Variants in LRIG3 observed in about 807,000 individuals in gnomAD.
LRIG3 encodes the protein leucine-rich repeats and immunoglobulin-like domains protein 3.
A neutral mutation model predicts 114.5 loss-of-function variants in LRIG3; 76 were observed. The ratio of observed to expected loss-of-function variants is 0.66; its 90% CI spans 0.55 to 0.80. The LOEUF (loss-of-function observed/expected upper bound fraction) is 0.80, where lower values mean the gene tolerates loss of function less well. Among genes scored for constraint, LRIG3 ranks in the 30% least tolerant of loss-of-function variants. LRIG3 has a pLI of 0.00. For missense variants in LRIG3, 1,239 were observed against 1,382.8 expected (o/e 0.90, Z 1.65); for synonymous variants, 512 against 519.8 (o/e 0.98, Z 0.20).
chr12:58,904,922 T>G (rs1592308215), intron 3 of LRIG3, among the ~76,000 whole-genome samples: 1 of 152,184 alleles, frequency 6.6e-6, no homozygotes, highest in East Asian at 1.9e-4. Flanking sequence ...ATTACTTATA[T>G]GATGATAAAG....
rs943132208 is a variant in LRIG3, at chr12:58,894,226, G to C, written c.384-3430C>G. Among the ~76,000 whole-genome samples the C allele has an allele frequency of 2.6e-5, 4 of 152,180 alleles. No individual in the cohort carries two copies. In the South Asian group the frequency reaches 8.3e-4, roughly 32 times the overall value. On this transcript the variant is annotated intron_variant, in intron 3 of 18. Coordinates refer to ENST00000320743, the MANE Select transcript of LRIG3 (RefSeq NM_153377.5). ...AGTGTGAAAGTGCTCAGTTCTAGAC[G>C]GAGCGTGCACAGTGCTGTCTTTGTC... is the stretch of plus-strand genomic sequence containing the variant.
At chr12:58,909,707 C>T (rs1007263104) in intron 3 of LRIG3, among the ~76,000 whole-genome samples, 2 of 152,330 alleles carry the variant, frequency 1.3e-5, no homozygotes, top group South Asian at 2.1e-4. Context: ...TTAGAGATGA[C>T]TGACACAGTC....
chr12:58,909,615 C>T (rs1193626214), intron 3 of LRIG3, among the ~76,000 whole-genome samples: 1 of 152,170 alleles, frequency 6.6e-6, no homozygotes, highest in Non-Finnish European at 1.5e-5. Flanking sequence ...ACTGAGCACT[C>T]AGTACATGCA....
At chr12:58,909,415 G>A (rs1872188213) in intron 3 of LRIG3, among the ~76,000 whole-genome samples, 1 of 152,108 alleles carries the variant, frequency 6.6e-6, no homozygotes, top group Non-Finnish European at 1.5e-5. Flanking sequence ...ATCATGAACT[G>A]ATGTTATCTT....
At position 58,885,867 on chromosome 12, in the gene LRIG3, T is replaced by G; in HGVS notation, c.1208A>C (p.Lys403Thr). 1 of 1,591,690 alleles carries G rather than the reference T, an allele frequency of 6.3e-7. No homozygotes were observed. The highest frequency in any genetic ancestry group is 8.6e-7 in the Non-Finnish European group (1 of 1,165,880). Residue 403 changes from lysine to threonine, a missense_variant, in exon 10 of 19, where the codon AAA becomes ACA. Transcript: ENST00000320743. ...LQGNRIRSITKKAFTGLDALE... is the reference protein window; with the variant it reads ...LQGNRIRSITTKAFTGLDALE... ...TGCATCCAAACCAGTGAAGGCTTTT[T>G]TAGTAATAGAACGGATCCGATTTCC...
intron 1 of LRIG3, among the ~76,000 whole-genome samples, chr12:58,917,535 G>C (rs1235516399): frequency 1.3e-5 from 2 of 152,032 alleles, no homozygotes; most frequent in East Asian, 3.9e-4. Context: ...AGCATTAGAG[G>C]TTATTTTCTA....
At chr12:58,893,541 A>G (rs1187137499) in intron 3 of LRIG3, among the ~76,000 whole-genome samples, 1 of 152,114 alleles carries the variant, frequency 6.6e-6, no homozygotes, top group Non-Finnish European at 1.5e-5. Flanking sequence ...CCACATCTGG[A>G]TTTGCCTGTG....
chr12:58,898,769 C>T (rs926456026), intron 3 of LRIG3, among the ~76,000 whole-genome samples: 1 of 152,158 alleles, frequency 6.6e-6, no homozygotes, highest in Admixed American at 6.5e-5. Context: ...AGCAATTCTC[C>T]AGCCTCAGCC....
At chr12:58,915,915 G>A (rs1872466404) in intron 1 of LRIG3, among the ~76,000 whole-genome samples, 1 of 152,158 alleles carries the variant, frequency 6.6e-6, no homozygotes. Context: ...CACCTGGGAG[G>A]TAGCCTGAGT....
chr12:58,873,639 GT>G (rs1870808989), intron 18 of LRIG3: 1 of 190,732 alleles, frequency 5.2e-6, no homozygotes. Context: ...GTAGGATGTT[GT>G]TTTCCACCCT....
rs1237648834 is a variant in LRIG3, at chr12:58,876,443, A to C, written c.2695+2T>G. ...CAGCCCACATTCATTTTAAACACTT[A>C]CCACTACTGTCATGTTGTGGTAAGA... On this transcript the variant is annotated splice_donor_variant, in intron 16 of 18. Transcript: ENST00000320743. LOFTEE classifies it high-confidence loss of function. 6.2e-7 allele frequency: 1 copy of C among 1,613,796 alleles called. No homozygotes were observed. The highest frequency in any genetic ancestry group is 2.2e-5 in the East Asian group (1 of 44,862).
At chr12:58,916,365 AG>A (rs1872483355) in intron 1 of LRIG3, among the ~76,000 whole-genome samples, 3 of 152,186 alleles carry the variant, frequency 2.0e-5, no homozygotes, top group African/African-American at 7.2e-5. Context: ...TATATGTAGG[AG>A]GAAAAAAAAC....
At chr12:58,876,633 C>T in intron 15 of LRIG3, 30 bp from the exon 16 acceptor site, 2 of 1,611,042 alleles carry the variant, frequency 1.2e-6, no homozygotes, top group South Asian at 1.1e-5. Flanking sequence ...TTTTATTAAC[C>T]AAGGATGATC....
chr12:58,919,362 C>T, intron 1 of LRIG3: 1 of 1,548,908 alleles, frequency 6.5e-7, no homozygotes. Context: ...TCTGGATAAT[C>T]GAGTTCCGCC....
chr12:58,881,840 A>G (rs540498368), intron 12 of LRIG3, among the ~76,000 whole-genome samples: 44 of 152,306 alleles, frequency 2.9e-4, no homozygotes, highest in African/African-American at 1.1e-3. Context: ...ATTCTCATCT[A>G]ATAAATCGAT....
At chr12:58,914,442 T>C (rs148002270) in intron 1 of LRIG3, 106 bp from the exon 2 acceptor site, 1 of 852,936 alleles carries the variant, frequency 1.2e-6, no homozygotes, top group African/African-American at 1.7e-5. Flanking sequence ...GCAGGAGAAA[T>C]AATTGGTCTA....
intron 8 of LRIG3, chr12:58,887,151 C>G: frequency 2.4e-6 from 1 of 417,584 alleles, no homozygotes; most frequent in Non-Finnish European, 4.3e-6. Context: ...TGACTACATT[C>G]TGAATGATCC....
At chr12:58,916,375 A>G (rs1209747265) in intron 1 of LRIG3, among the ~76,000 whole-genome samples, 2 of 152,168 alleles carry the variant, frequency 1.3e-5, no homozygotes, top group Non-Finnish European at 2.9e-5. Flanking sequence ...AGGAAAAAAA[A>G]CACCCCTTAA....
intron 18 of LRIG3, 66 bp downstream of exon 18, chr12:58,873,989 G>GCT: frequency 1.3e-6 from 2 of 1,546,080 alleles, no homozygotes; most frequent in Non-Finnish European, 1.8e-6. Context: ...GGCTGTCATT[G>GCT]CTCTCTCACA....
Sources: gnomAD v4.1 joint callset for allele counts (sites outside exome capture counted in the v4.1 genomes callset) on GRCh38, gnomAD v4.1.1 for gene constraint, MANE v1.5 for transcripts, NCBI Gene and HGNC (gene_info 2026-07-23, HGNC 2026-07-21) for gene names.